The following S100P variants were observed in gnomAD, a reference collection of about 807,000 sequenced individuals.
S100P encodes protein S100-P.
S100P carries 7 observed loss-of-function variants against 4.7 expected under a neutral mutation model. That is an observed-to-expected ratio of 1.48 (90% CI 0.84 to 2.77). The LOEUF (loss-of-function observed/expected upper bound fraction) is 2.77, where lower values mean the gene tolerates loss of function less well. Ranked by LOEUF, S100P falls within the 30% of genes most tolerant of loss-of-function variation. The probability of loss-of-function intolerance (pLI) is 0.00; values close to 1 mark genes in which losing one functional copy is unlikely to be tolerated. For synonymous variants in S100P, 48 were observed against 49.0 expected (o/e 0.98, Z 0.08); for missense variants, 122 against 120.6 (o/e 1.01, Z -0.06).
intron 1 of S100P, 69 bp from the exon 2 acceptor site, chr4:6,696,823 AG>A: frequency 6.8e-7 from 1 of 1,465,012 alleles, no homozygotes; most frequent in Non-Finnish European, 9.3e-7. Flanking sequence ...GCCCAGCAGC[AG>A]TGCTTGGTGG....
chr4:6,696,872 T>C, intron 1 of S100P, 21 bp from the exon 2 acceptor site: 2 of 1,606,256 alleles, frequency 1.2e-6, no homozygotes, highest in African/African-American at 1.3e-5. Flanking sequence ...ACTGCTGACC[T>C]TGAGCCTCTC....
At chr4:6,695,291 C>G (rs368916128) in intron 1 of S100P, among the ~76,000 whole-genome samples, 15 of 152,204 alleles carry the variant, frequency 9.9e-5, no homozygotes, top group African/African-American at 3.1e-4. Context: ...AATGTGAATT[C>G]TGTAAAGATA....
At chr4:6,696,777 C>CCTGAATGAA in intron 1 of S100P, 116 bp from the exon 2 acceptor site, 1 of 261,102 alleles carries the variant, frequency 3.8e-6, no homozygotes, top group Non-Finnish European at 6.0e-6. Context: ...CTGGCCCTGA[C>CCTGAATGAA]AGCAAAGGTG....
At chr4:6,694,928 G>C (rs953682812) in intron 1 of S100P, among the ~76,000 whole-genome samples, 1 of 151,698 alleles carries the variant, frequency 6.6e-6, no homozygotes, top group Non-Finnish European at 1.5e-5. Flanking sequence ...TCAAAGACAT[G>C]AAACACTTCA....
rs1714389737 is a variant in S100P, at chr4:6,697,052, G to T, written c.*10G>T. 6.2e-7 allele frequency: 1 copy of T among 1,606,084 alleles called. No homozygotes were observed. Among genetic ancestry groups the T allele is most frequent in the African/African-American group, 1.3e-5 (1 of 74,862 alleles). ...GGCAGGACTCAAATGATGCCCTGGA[G>T]ATGTCACAGATTCCTGGCAGAGCCA... On this transcript the variant is annotated 3_prime_UTR_variant, in exon 2 of 2. Transcript: ENST00000296370.
At chr4:6,696,546 A>C (rs1448483061) in intron 1 of S100P, among the ~76,000 whole-genome samples, 1 of 152,254 alleles carries the variant, frequency 6.6e-6, no homozygotes, top group East Asian at 1.9e-4. Flanking sequence ...AATAGAGCAA[A>C]GACTGGATGC....
intron 1 of S100P, among the ~76,000 whole-genome samples, 183 bp downstream of exon 1, chr4:6,694,253 G>T (rs1001060511): frequency 1.1e-4 from 17 of 152,238 alleles, no homozygotes; most frequent in African/African-American, 3.9e-4. Flanking sequence ...TAAAGGCAGG[G>T]GAGGCGGGAG....
intron 1 of S100P, 96 bp downstream of exon 1, chr4:6,694,166 T>C (rs1577322659): frequency 8.2e-7 from 1 of 1,217,426 alleles, no homozygotes; most frequent in Non-Finnish European, 1.1e-6. Context: ...GGGTCGGCGG[T>C]CAAGGGGCTC....
chr4:6,696,810 C>A, intron 1 of S100P, 83 bp from the exon 2 acceptor site: 2 of 1,393,920 alleles, frequency 1.4e-6, no homozygotes, highest in South Asian at 2.7e-5. Flanking sequence ...GTGCCCTGCT[C>A]CTGCCCAGCA....
chr4:6,695,995 CCTTA>C (rs1553813178), intron 1 of S100P, among the ~76,000 whole-genome samples: 1 of 152,242 alleles, frequency 6.6e-6, no homozygotes, highest in Non-Finnish European at 1.5e-5. Flanking sequence ...TACTTCCCTG[CCTTA>C]CTTTTGCTAT....
intron 1 of S100P, among the ~76,000 whole-genome samples, chr4:6,695,453 A>C (rs1037828128): frequency 6.6e-6 from 1 of 152,296 alleles, no homozygotes; most frequent in East Asian, 1.9e-4. Context: ...CATGCAATGT[A>C]ATTTCTTTTT....
At chr4:6,694,160 C>G (rs909031410) in intron 1 of S100P, 90 bp downstream of exon 1, 2 of 1,327,566 alleles carry the variant, frequency 1.5e-6, no homozygotes, top group Non-Finnish European at 2.0e-6. Flanking sequence ...GCGGTGGGGT[C>G]GGCGGTCAAG....
At position 6,694,073 on chromosome 4, in the gene S100P, G is replaced by A. The variant is rs1290208616; in HGVS notation, c.138+3G>A. On this transcript the variant is annotated splice_donor_region_variant and intron_variant, in intron 1 of 1. Coordinates refer to ENST00000296370, the MANE Select transcript of S100P (RefSeq NM_005980.3). ...AGGAGCTACCAGGCTTCCTGCAGGT[G>A]AGCCAGGCCGGCAGTGCTGGACTCA... 8 of 1,606,776 alleles carry A rather than the reference G, an allele frequency of 5.0e-6. No individual in the cohort carries two copies. The highest frequency in any genetic ancestry group is 2.2e-5 in the East Asian group (1 of 44,834).
rs1714389537 is a variant in S100P at position 6,697,044 on chromosome 4, G to A, written c.*2G>A. 1 of 1,609,002 alleles carries A rather than the reference G, an allele frequency of 6.2e-7. No homozygotes were observed. The highest frequency in any genetic ancestry group is 2.2e-5 in the East Asian group (1 of 44,690). On this transcript the variant is annotated 3_prime_UTR_variant, in exon 2 of 2. Transcript: ENST00000296370. ...TTTGAGAAGGCAGGACTCAAATGAT[G>A]CCCTGGAGATGTCACAGATTCCTGG... is the stretch of plus-strand genomic sequence containing the variant.
intron 1 of S100P, among the ~76,000 whole-genome samples, chr4:6,694,328 T>C (rs1285685125): frequency 6.6e-6 from 1 of 152,130 alleles, no homozygotes; most frequent in Non-Finnish European, 1.5e-5. Flanking sequence ...CCCAGTGTAT[T>C]TGTGACAGGC....
chr4:6,694,709 C>T (rs1430534272), intron 1 of S100P, among the ~76,000 whole-genome samples: 1 of 152,172 alleles, frequency 6.6e-6, no homozygotes, highest in Non-Finnish European at 1.5e-5. Flanking sequence ...CCGGGGCAGC[C>T]TCCGGCTGGG....
chr4:6,696,784 G>A, intron 1 of S100P, 109 bp from the exon 2 acceptor site: 5 of 433,378 alleles, frequency 1.2e-5, no homozygotes, highest in Non-Finnish European at 1.8e-5. Flanking sequence ...TGACAGCAAA[G>A]GTGACGCAGA....
chr4:6,696,787 G>A (rs970473186), intron 1 of S100P, 106 bp from the exon 2 acceptor site: 9 of 557,978 alleles, frequency 1.6e-5, no homozygotes, highest in Non-Finnish European at 2.5e-5. Context: ...CAGCAAAGGT[G>A]ACGCAGATGT....
chr4:6,696,635 C>G (rs1454062397), intron 1 of S100P, among the ~76,000 whole-genome samples: 1 of 152,266 alleles, frequency 6.6e-6, no homozygotes, highest in Non-Finnish European at 1.5e-5. Flanking sequence ...AAATGAAACT[C>G]CCTCTCGCAG....
Sources: allele counts gnomAD v4.1 joint callset (sites outside exome capture counted in the v4.1 genomes callset), GRCh38; gene constraint gnomAD v4.1.1; transcripts MANE v1.5; gene names NCBI Gene and HGNC (gene_info 2026-07-23, HGNC 2026-07-21).